Variants in MTHFD1L observed in about 807,000 individuals in gnomAD.
The protein encoded by MTHFD1L is methylenetetrahydrofolate dehydrogenase (NADP+ dependent) 1 like, also known as monofunctional C1-tetrahydrofolate synthase, mitochondrial.
In MTHFD1L, 81 loss-of-function variants were observed where a neutral mutation model predicts 119.5. The ratio of observed to expected loss-of-function variants is 0.68; its 90% CI spans 0.57 to 0.82. The LOEUF (loss-of-function observed/expected upper bound fraction) is 0.82. MTHFD1L is among the 40% of genes least tolerant of loss of function. MTHFD1L has a pLI of 0.00. For missense variants in MTHFD1L, 1,125 were observed against 1,253.4 expected (o/e 0.90, Z 1.55); for synonymous variants, 430 against 475.2 (o/e 0.90, Z 1.24).
chr6:150,890,184 A>G (rs1214678178), intron 7 of MTHFD1L, among the ~76,000 whole-genome samples: 1 of 150,732 alleles, frequency 6.6e-6, no homozygotes, highest in Non-Finnish European at 1.5e-5. Context: ...AAGTGTATAT[A>G]TATGTGTGTG....
intron 2 of MTHFD1L, 104 bp from the exon 3 acceptor site, chr6:150,877,530 T>C: frequency 7.9e-7 from 1 of 1,272,318 alleles, no homozygotes; most frequent in South Asian, 1.3e-5. Context: ...TTCCATATTA[T>C]CTTTGTAATT....
Position 150,911,515 on chromosome 6 carries a change from G to T in MTHFD1L, c.892+5754G>T, listed in dbSNP as rs868781764. Among the ~76,000 whole-genome samples the T allele has an allele frequency of 2.0e-5, 3 of 152,000 alleles. No homozygotes were observed. The East Asian group carries it at 5.8e-4, about 29-fold the overall frequency. ...AAGTTTAATTGTCTCACACTTCCAC[G>T]GACTGTACAGGTAGTATGATGCTGG... is the stretch of plus-strand genomic sequence containing the variant. On this transcript the variant is annotated intron_variant, in intron 8 of 27. Coordinates refer to ENST00000367321, the MANE Select transcript of MTHFD1L (RefSeq NM_015440.5).
chr6:150,906,657 A>G (rs1263253107), intron 8 of MTHFD1L, among the ~76,000 whole-genome samples: 1 of 152,180 alleles, frequency 6.6e-6, no homozygotes, highest in Non-Finnish European at 1.5e-5. Context: ...GGCAGCTTTT[A>G]TCCCTAAAGC....
At chr6:151,004,969 G>A (rs1049167019) in intron 20 of MTHFD1L, among the ~76,000 whole-genome samples, 3 of 151,574 alleles carry the variant, frequency 2.0e-5, no homozygotes, top group South Asian at 2.1e-4. Context: ...ATCCTACTAT[G>A]TGGACTTGCT....
At chr6:150,989,597 C>CT (rs1441941972) in intron 20 of MTHFD1L, among the ~76,000 whole-genome samples, 1 of 152,074 alleles carries the variant, frequency 6.6e-6, no homozygotes, top group Non-Finnish European at 1.5e-5. Context: ...CAATAGTTTT[C>CT]TTTTTTTGTT....
chr6:151,097,870 C>T (rs1364082003), intron 27 of MTHFD1L, among the ~76,000 whole-genome samples: 1 of 152,086 alleles, frequency 6.6e-6, no homozygotes, highest in Non-Finnish European at 1.5e-5. Context: ...CTCATATATA[C>T]CCCATAAGAA....
chr6:150,989,280 T>C (rs188380739), intron 20 of MTHFD1L, among the ~76,000 whole-genome samples: 83 of 152,300 alleles, frequency 5.4e-4, no homozygotes, highest in Non-Finnish European at 9.7e-4. Flanking sequence ...AACAGAAGAA[T>C]TTAAGTAAAA....
chr6:150,889,578 A>C (rs1389263212), intron 7 of MTHFD1L, among the ~76,000 whole-genome samples: 1 of 152,240 alleles, frequency 6.6e-6, no homozygotes, highest in Non-Finnish European at 1.5e-5. Context: ...CCTACAAATC[A>C]GTGAGACAAA....
intron 26 of MTHFD1L, among the ~76,000 whole-genome samples, chr6:151,060,881 G>A (rs1790529512): frequency 6.6e-6 from 1 of 152,166 alleles, no homozygotes; most frequent in Admixed American, 6.5e-5. Context: ...CAGCAGTCTG[G>A]AAGGTGGAGT....
At chr6:151,016,926 G>A (rs1783164468) in intron 24 of MTHFD1L, among the ~76,000 whole-genome samples, 1 of 151,452 alleles carries the variant, frequency 6.6e-6, no homozygotes, top group Non-Finnish European at 1.5e-5. Flanking sequence ...GCGCAAGCAA[G>A]CGTGCCTGGC....
chr6:150,969,877 T>C (rs2129016352), intron 19 of MTHFD1L, among the ~76,000 whole-genome samples: 1 of 152,312 alleles, frequency 6.6e-6, no homozygotes, highest in East Asian at 1.9e-4. Flanking sequence ...ATAGGCTGTT[T>C]TAAGATTACT....
intron 7 of MTHFD1L, among the ~76,000 whole-genome samples, chr6:150,897,345 G>A (rs1784402083): frequency 6.6e-6 from 1 of 152,090 alleles, no homozygotes; most frequent in South Asian, 2.1e-4. Context: ...TCTAATTTCA[G>A]TCTCATTGGA....
chr6:150,876,557 A>G (rs947247129), intron 2 of MTHFD1L, among the ~76,000 whole-genome samples: 7 of 152,216 alleles, frequency 4.6e-5, no homozygotes, highest in African/African-American at 1.7e-4. Context: ...AAACATGGAT[A>G]TTTGGTAATC....
chr6:150,906,277 T>G (rs1785891328), intron 8 of MTHFD1L, among the ~76,000 whole-genome samples: 1 of 152,106 alleles, frequency 6.6e-6, no homozygotes, highest in Admixed American at 6.6e-5. Context: ...CACCACTAGA[T>G]GCAGAAACTG....
At chr6:150,969,512 CAA>C (rs35902929) in intron 19 of MTHFD1L, among the ~76,000 whole-genome samples, 32 of 126,636 alleles carry the variant, frequency 2.5e-4, no homozygotes, top group Middle Eastern at 4.0e-3. Context: ...GACCCTGCCT[CAA>C]AAAAAAAAAA....
chr6:150,961,140 C>T lies in MTHFD1L; in HGVS notation c.1944+725C>T, dbSNP rs185517587. ...AGACAGTCTGGCTCTGTTGCCCAGG[C>T]TGGAGTGCAATGGCACGATCTCAGC... On this transcript the variant is annotated intron_variant, in intron 18 of 27. Transcript: ENST00000367321. 3.7e-3 allele frequency among the ~76,000 whole-genome samples: 514 copies of T among 139,118 alleles called. 1 individual carries two copies. Among genetic ancestry groups the T allele is most frequent in the African/African-American group, 0.013 (470 of 36,944 alleles). The allele number at this position is 139,118 out of a possible 152,430, so 91.3% of individuals were successfully genotyped here. A position where few individuals can be genotyped will look rare whatever the true frequency, so the allele number is the denominator to read the frequency against.
At chr6:151,004,498 G>A (rs189037104) in intron 20 of MTHFD1L, among the ~76,000 whole-genome samples, 7 of 152,112 alleles carry the variant, frequency 4.6e-5, no homozygotes, top group African/African-American at 7.2e-5. Context: ...TGGTGTTCTC[G>A]TTTCTGCCGT....
At chr6:150,921,001 G>C (rs1788821395) in intron 9 of MTHFD1L, among the ~76,000 whole-genome samples, 1 of 135,282 alleles carries the variant, frequency 7.4e-6, no homozygotes, top group Admixed American at 8.5e-5. Context: ...GCCCAGGCTA[G>C]AGTGTAATGT....
At chr6:151,053,289 T>C (rs1789372038) in intron 26 of MTHFD1L, among the ~76,000 whole-genome samples, 3 of 152,318 alleles carry the variant, frequency 2.0e-5, no homozygotes, top group Admixed American at 2.0e-4. Context: ...TGGTTGACAC[T>C]ACCTCCAGTA....
Sources: gnomAD v4.1 joint callset for allele counts (sites outside exome capture counted in the v4.1 genomes callset) on GRCh38, gnomAD v4.1.1 for gene constraint, MANE v1.5 for transcripts, NCBI Gene and HGNC (gene_info 2026-07-23, HGNC 2026-07-21) for gene names.